Variants in SNX29 observed in about 807,000 individuals in gnomAD.
The protein encoded by SNX29 is sorting nexin-29.
In SNX29, 78 loss-of-function variants were observed where a neutral mutation model predicts 102.1. The observed-to-expected ratio is 0.76, with a 90% CI of 0.64 to 0.92. The LOEUF is 0.92. SNX29 is among the 40% of genes least tolerant of loss of function. The pLI is 0.00. For missense variants in SNX29, 1,280 were observed against 1,061.7 expected, an observed-to-expected ratio of 1.21 and a Z score of -2.86; for synonymous variants, 580 against 414.5, an observed-to-expected ratio of 1.40 and a Z score of -4.85.
chr16:12,567,894 A>C (rs1052515757), intron 20 of SNX29, among the ~76,000 whole-genome samples: 1 of 152,178 alleles, frequency 6.6e-6, no homozygotes, highest in Non-Finnish European at 1.5e-5. Context: ...CACACAACCC[A>C]GACCCATGCC....
chr16:12,139,427 C>T (rs1597022072), intron 13 of SNX29, among the ~76,000 whole-genome samples: 1 of 152,158 alleles, frequency 6.6e-6, no homozygotes, highest in Non-Finnish European at 1.5e-5. Context: ...TAGCACAGTG[C>T]CTGGCATTGC....
chr16:12,568,952 G>C lies in SNX29; in HGVS notation c.*323G>C, dbSNP rs1043675225. ...GGGCTGGCAGGAGGGTGGGCACCAG[G>C]TCAGGCTGGGTGCGCCATGGTTGAG... On this transcript the variant is annotated 3_prime_UTR_variant, in exon 21 of 21. Transcript: ENST00000566228. 43 of 385,974 alleles carry C rather than the reference G, an allele frequency of 1.1e-4. No individual in the cohort carries two copies. Among genetic ancestry groups the C allele is most frequent in the African/African-American group, 6.1e-4 (30 of 49,400 alleles). 23.9% of individuals were successfully genotyped at this position (385,974 alleles called of 1,614,324 possible). A position where few individuals can be genotyped will look rare whatever the true frequency, so the allele number is the denominator to read the frequency against.
intron 14 of SNX29, among the ~76,000 whole-genome samples, chr16:12,252,458 G>T (rs1474459949): frequency 2.0e-5 from 3 of 152,174 alleles, no homozygotes; most frequent in Non-Finnish European, 2.9e-5. Flanking sequence ...CTAAGATGGG[G>T]GAACACACAT....
At chr16:12,425,063 G>C (rs1240819875) in intron 18 of SNX29, among the ~76,000 whole-genome samples, 2 of 152,240 alleles carry the variant, frequency 1.3e-5, no homozygotes, top group South Asian at 2.1e-4. Context: ...AATGTTGAGT[G>C]AAAGAAACTA....
chr16:11,998,912 G>A (rs550654576), intron 1 of SNX29, among the ~76,000 whole-genome samples: 209 of 152,316 alleles, frequency 1.4e-3, no homozygotes, highest in Non-Finnish European at 2.6e-3. Context: ...GCTGCTGGTT[G>A]ACAACTGGGG....
In SNX29 at chr16:12,052,122, G is replaced by A; in HGVS notation, c.1024G>A (p.Val342Met). 1 of 1,613,986 alleles carries A rather than the reference G, an allele frequency of 6.2e-7. No homozygotes were observed. The highest frequency in any genetic ancestry group is 8.5e-7 in the Non-Finnish European group (1 of 1,179,876). ...NGEFGYQKLD[V>M]KSIDDEDVDE... Reference sequence around the variant, plus strand: ...GGAGTTTGGGTACCAGAAGCTTGATGTGAAAAGCATCGATGATGAAGATGT... The same window carrying A: ...GGAGTTTGGGTACCAGAAGCTTGATATGAAAAGCATCGATGATGAAGATGT... Residue 342 changes from valine to methionine, a missense_variant, in exon 8 of 21, where the codon GTG becomes ATG. Transcript: ENST00000566228.
At chr16:12,453,066 C>A (rs1388632481) in intron 18 of SNX29, among the ~76,000 whole-genome samples, 1 of 152,176 alleles carries the variant, frequency 6.6e-6, no homozygotes, top group Non-Finnish European at 1.5e-5. Flanking sequence ...TTGGTGGCAG[C>A]ATGTGCCTCC....
chr16:12,048,636 T>A lies in SNX29; in HGVS notation c.748+16T>A. Reference sequence around the variant, plus strand: ...GTCAGTGCTGGTGAGTGGGAACGGGTGCTCGAGGCGGAGCAGAGGGAATCA... The same window carrying A: ...GTCAGTGCTGGTGAGTGGGAACGGGAGCTCGAGGCGGAGCAGAGGGAATCA... On this transcript the variant is annotated intron_variant, in intron 7 of 20. Transcript: ENST00000566228. 1.9e-6 allele frequency: 3 copies of A among 1,613,930 alleles called. No individual in the cohort carries two copies. The highest frequency in any genetic ancestry group is 2.5e-6 in the Non-Finnish European group (3 of 1,179,862).
intron 18 of SNX29, among the ~76,000 whole-genome samples, chr16:12,408,697 G>A (rs186531111): frequency 2.6e-5 from 4 of 152,308 alleles, no homozygotes; most frequent in East Asian, 3.9e-4. Flanking sequence ...GGCACACGCT[G>A]TAATCCCAGC....
chr16:12,184,575 C>T (rs1297810547), intron 13 of SNX29, among the ~76,000 whole-genome samples: 3 of 152,226 alleles, frequency 2.0e-5, no homozygotes, highest in African/African-American at 7.2e-5. Flanking sequence ...ACTCTCCATG[C>T]CTTGTTAGCT....
chr16:12,463,843 TGTGTGTGTGTGA>T (rs1385708409), intron 18 of SNX29, among the ~76,000 whole-genome samples: 2 of 150,388 alleles, frequency 1.3e-5, no homozygotes, highest in Non-Finnish European at 3.0e-5. Flanking sequence ...TGTGTGTGTG[TGTGTGTGTGTGA>T]GAGATGACAC....
chr16:12,306,863 GA>G (rs2080354300), intron 15 of SNX29, among the ~76,000 whole-genome samples: 1 of 152,200 alleles, frequency 6.6e-6, no homozygotes, highest in South Asian at 2.1e-4. Flanking sequence ...GTCTTTTGGG[GA>G]GGTGGGTAGA....
At chr16:12,061,418 C>T in intron 8 of SNX29, 110 bp from the exon 9 acceptor site, 1 of 823,376 alleles carries the variant, frequency 1.2e-6, no homozygotes, top group Non-Finnish European at 2.0e-6. Flanking sequence ...CTGTTCTCAG[C>T]CCTGCCTTGG....
chr16:12,327,890 C>G (rs1462924418), intron 15 of SNX29, among the ~76,000 whole-genome samples: 5 of 152,128 alleles, frequency 3.3e-5, no homozygotes, highest in Middle Eastern at 3.2e-3. Context: ...TGGACAGGGC[C>G]CTTCCTGCCA....
intron 18 of SNX29, among the ~76,000 whole-genome samples, chr16:12,444,006 A>G (rs2085927087): frequency 6.6e-6 from 1 of 152,046 alleles, no homozygotes; most frequent in Non-Finnish European, 1.5e-5. Flanking sequence ...CACTCAGTAT[A>G]GCACCTAGCA....
chr16:12,311,866 G>A (rs1299980022), intron 15 of SNX29, among the ~76,000 whole-genome samples: 1 of 152,196 alleles, frequency 6.6e-6, no homozygotes, highest in African/African-American at 2.4e-5. Flanking sequence ...TTATCATTGG[G>A]TTAAATAAGA....
At chr16:12,395,185 T>C (rs1161181984) in intron 16 of SNX29, among the ~76,000 whole-genome samples, 1 of 152,236 alleles carries the variant, frequency 6.6e-6, no homozygotes, top group Non-Finnish European at 1.5e-5. Flanking sequence ...GCAGAACCTC[T>C]AGTGTCTTCC....
At chr16:12,124,381 T>C (rs2054115982) in intron 11 of SNX29, among the ~76,000 whole-genome samples, 1 of 151,976 alleles carries the variant, frequency 6.6e-6, no homozygotes, top group African/African-American at 2.4e-5. Context: ...CTGATATTCT[T>C]TCTACACTGC....
chr16:12,235,807 G>GTA (rs1555494569), intron 14 of SNX29, among the ~76,000 whole-genome samples: 1 of 151,594 alleles, frequency 6.6e-6, no homozygotes, highest in African/African-American at 2.4e-5. Flanking sequence ...GTGTGTGTGT[G>GTA]TGTATGTGTA....
Sources: gnomAD v4.1 joint callset for allele counts (sites outside exome capture counted in the v4.1 genomes callset) on GRCh38, gnomAD v4.1.1 for gene constraint, MANE v1.5 for transcripts, NCBI Gene and HGNC (gene_info 2026-07-23, HGNC 2026-07-21) for gene names.